NMRAL1: variants seen among roughly 807,000 people sequenced by gnomAD.
NMRAL1 encodes the protein nmrA-like family domain-containing protein 1.
In NMRAL1, 32 loss-of-function variants were observed where a neutral mutation model predicts 27.5. That is an observed-to-expected ratio of 1.16 (90% CI 0.88 to 1.56). The LOEUF is 1.56. Among genes scored for constraint, NMRAL1 ranks in the 40% most tolerant of loss-of-function variants. The probability of loss-of-function intolerance (pLI) is 0.00; values close to 1 mark genes in which losing one functional copy is unlikely to be tolerated. For synonymous variants in NMRAL1, 166 were observed against 166.8 expected (o/e 1.00, Z 0.04); for missense variants, 420 against 392.0 (o/e 1.07, Z -0.60).
chr16:4,475,764 C>T (rs1222340089), upstream of NMRAL1, among the ~76,000 whole-genome samples: 1 of 151,652 alleles, frequency 6.6e-6, no homozygotes, highest in Non-Finnish European at 1.5e-5. Context: ...ATGGTGAAAC[C>T]CCCGTCTCTA....
At chr16:4,474,803 G>C (rs2057769098), upstream of NMRAL1, 1 of 152,298 alleles carries the variant, frequency 6.6e-6, no homozygotes, top group African/African-American at 2.4e-5. Flanking sequence ...CTGGGAGGAG[G>C]AGAAAAATTA....
chr16:4,466,105 T>C, intron 4 of NMRAL1, 48 bp downstream of exon 4: 2 of 1,608,302 alleles, frequency 1.2e-6, no homozygotes, highest in Non-Finnish European at 1.7e-6. Context: ...ACCAACGGCT[T>C]TACAGGGTGA....
chr16:4,469,585 G>A (rs11862204), intron 2 of NMRAL1, 120 bp from the exon 3 acceptor site: 73,499 of 1,526,428 alleles, frequency 0.048, 4,611 homozygotes, highest in African/African-American at 0.3. Flanking sequence ...TCTCAACGAC[G>A]ATTCTCATTC....
At chr16:4,474,269 G>C in intron 1 of NMRAL1, 103 bp from the exon 2 acceptor site, 1 of 794,500 alleles carries the variant, frequency 1.3e-6, no homozygotes, top group South Asian at 1.7e-5. Context: ...GTGTCGAAGG[G>C]GGCGGCTGGG....
At chr16:4,470,595 C>T (rs1281166701) in intron 2 of NMRAL1, among the ~76,000 whole-genome samples, 4 of 151,930 alleles carry the variant, frequency 2.6e-5, no homozygotes, top group African/African-American at 7.3e-5. Context: ...AGGTGGATCA[C>T]GAGGTCAGGA....
In NMRAL1 at chr16:4,472,268, C is replaced by A. The variant is rs541246492; in HGVS notation, c.40+1825G>T. Among the ~76,000 whole-genome samples, 14 of 152,114 alleles carry A rather than the reference C, an allele frequency of 9.2e-5. No individual in the cohort carries two copies. In the East Asian group the frequency reaches 2.7e-3, roughly 29 times the overall value. ...ACCAGCCTGACCAACATGGTGAAAC[C>A]CCGTCTCTACTAAAAAATACAAAAT... On this transcript the variant is annotated intron_variant, in intron 2 of 5. Transcript: ENST00000283429.
chr16:4,474,466 A>AC (rs1234194566), intron 1 of NMRAL1, 88 bp downstream of exon 1: 1 of 304,794 alleles, frequency 3.3e-6, no homozygotes, highest in Non-Finnish European at 6.2e-6. Context: ...GGAGCCCGGG[A>AC]CCCCGATTCT....
At chr16:4,465,052 C>T (rs1240254105) in intron 4 of NMRAL1, among the ~76,000 whole-genome samples, 2 of 152,062 alleles carry the variant, frequency 1.3e-5, no homozygotes, top group African/African-American at 2.4e-5. Context: ...GGATTACAGG[C>T]GTGCACCACC....
rs2057332941 is a variant in NMRAL1, at chr16:4,466,394, C to T, written c.288G>A (p.Leu96=). ...SQEQEVKQGK[L]LADLARRLGL... Reference sequence around the variant, plus strand: ...CCAGGCGCCTGGCCAGATCAGCGAGCAGCTTCCCCTGGAGGGCAGGGAAGG... The same window carrying T: ...CCAGGCGCCTGGCCAGATCAGCGAGTAGCTTCCCCTGGAGGGCAGGGAAGG... Residue 96 remains leucine (L), a synonymous_variant, in exon 4 of 6, where the codon CTG becomes CTA. Transcript: ENST00000283429. 6.2e-7 allele frequency: 1 copy of T among 1,611,944 alleles called. No individual in the cohort carries two copies. The highest frequency in any genetic ancestry group is 8.5e-7 in the Non-Finnish European group (1 of 1,179,586).
intron 4 of NMRAL1, among the ~76,000 whole-genome samples, chr16:4,464,607 G>A (rs2057244397): frequency 6.7e-6 from 1 of 148,988 alleles, no homozygotes; most frequent in East Asian, 1.9e-4. Flanking sequence ...ATCCCTGACT[G>A]CAGGTTTTTT....
rs1482981810 is a variant in NMRAL1 at position 4,469,323 on chromosome 16, G to A, written c.183C>T (p.Asp61=). 5.0e-6 allele frequency: 8 copies of A among 1,613,968 alleles called. No homozygotes were observed. The highest frequency in any genetic ancestry group is 6.8e-6 in the Non-Finnish European group (8 of 1,179,968). ...GAEVVQGDQD[D]QVIMELALNG... is the part of the protein sequence containing the mutation. Reference sequence around the variant, plus strand: ...TCAGGGCCAGCTCCATGATGACCTGGTCATCTTGGTCTCCCTGCACTACTT... The same window carrying A: ...TCAGGGCCAGCTCCATGATGACCTGATCATCTTGGTCTCCCTGCACTACTT... Residue 61 remains aspartate (D), a synonymous_variant, in exon 3 of 6, where the codon GAC becomes GAT. Coordinates refer to ENST00000283429, the MANE Select transcript of NMRAL1 (RefSeq NM_020677.6).
intron 5 of NMRAL1, chr16:4,463,365 C>CA: frequency 2.1e-6 from 1 of 486,070 alleles, no homozygotes; most frequent in African/African-American, 2.0e-5. Context: ...CTTTTCTCTT[C>CA]AAATTCCCTC....
chr16:4,469,814 C>T, intron 2 of NMRAL1: 1 of 250,964 alleles, frequency 4.0e-6, no homozygotes, highest in Admixed American at 5.0e-5. Flanking sequence ...TTGCAGTGAG[C>T]TGAGATTGCG....
intron 5 of NMRAL1, among the ~76,000 whole-genome samples, chr16:4,462,353 G>A (rs150028968): frequency 8.5e-4 from 130 of 152,098 alleles, no homozygotes; most frequent in African/African-American, 2.9e-3. Context: ...TGGTAGGTGC[G>A]TGTAATCCCA....
At position 4,461,897 on chromosome 16, in the gene NMRAL1, G is replaced by T. The variant is rs986441759; in HGVS notation, c.783C>A (p.Phe261Leu). ...FPGARDLANMFRFYALRPDRD... is the reference protein window; with the variant it reads ...FPGARDLANMLRFYALRPDRD... ...GGTCGGGTCTCAGGGCATAGAAACG[G>T]AACATGTTGGCCAGGTCCCGGGCAC... is the stretch of plus-strand genomic sequence containing the variant. Residue 261 changes from phenylalanine to leucine, a missense_variant, in exon 6 of 6, where the codon TTC becomes TTA. Phe to Leu is a conservative substitution (Grantham distance 22). Coordinates refer to ENST00000283429, the MANE Select transcript of NMRAL1 (RefSeq NM_020677.6). 4 of 1,614,214 alleles carry T rather than the reference G, an allele frequency of 2.5e-6. No individual in the cohort carries two copies. Among genetic ancestry groups the T allele is most frequent in the Non-Finnish European group, 3.4e-6 (4 of 1,180,030 alleles).
At position 4,466,200 on chromosome 16, in the gene NMRAL1, G is replaced by C. The variant is rs1223032945; in HGVS notation, c.482C>G (p.Ser161Cys). Residue 161 changes from serine to cysteine, a missense_variant, in exon 4 of 6, where the codon TCC (serine) becomes TGC (cysteine). Coordinates refer to ENST00000283429, the MANE Select transcript of NMRAL1 (RefSeq NM_020677.6). ...RLPCYFENLL[S>C]HFLPQKAPDG... ...TGGGGCTTTCTGGGGCAAGAAGTGG[G>C]AGAGGAGGTTCTCAAAATAGCAGGG... is the stretch of plus-strand genomic sequence containing the variant. 6.2e-7 allele frequency: 1 copy of C among 1,614,192 alleles called. No homozygotes were observed. Among genetic ancestry groups the C allele is most frequent in the Non-Finnish European group, 8.5e-7 (1 of 1,180,038 alleles).
chr16:4,463,841 G>A lies in NMRAL1; in HGVS notation c.539C>T (p.Thr180Ile), dbSNP rs1169860074. Residue 180 changes from threonine to isoleucine, a missense_variant, in exon 5 of 6, where the codon ACA (threonine) becomes ATA (isoleucine). Transcript: ENST00000283429. Reference protein sequence around the residue: ...DGKSYLLSLPTGDVPMDGMSV... With the variant: ...DGKSYLLSLPIGDVPMDGMSV... Reference sequence around the variant, plus strand: ...CATGCCATCCATGGGAACGTCACCTGTGGGCAAGCCTGTGGGGCAGAGACG... The same window carrying A: ...CATGCCATCCATGGGAACGTCACCTATGGGCAAGCCTGTGGGGCAGAGACG... The A allele has an allele frequency of 6.2e-7, 1 of 1,613,278 alleles. No individual in the cohort carries two copies. Among genetic ancestry groups the A allele is most frequent in the African/African-American group, 1.3e-5 (1 of 75,036 alleles).
chr16:4,461,969 G>C lies in NMRAL1; in HGVS notation c.721-10C>G, dbSNP rs747436162. On this transcript the variant is annotated splice_polypyrimidine_tract_variant and intron_variant, in intron 5 of 5. Transcript: ENST00000283429. ...AGTCCTCAGGAGTCATCTGGAAGCA[G>C]AGGAGCCTGTCGTGGCCGGCGTCCT... is the stretch of plus-strand genomic sequence containing the variant. 4 of 1,607,280 alleles carry C rather than the reference G, an allele frequency of 2.5e-6. No homozygotes were observed. The highest frequency in any genetic ancestry group is 3.4e-6 in the Non-Finnish European group (4 of 1,176,228).
At chr16:4,474,234 C>T (rs1258845942) in intron 1 of NMRAL1, 68 bp from the exon 2 acceptor site, 2 of 1,170,688 alleles carry the variant, frequency 1.7e-6, no homozygotes, top group Admixed American at 3.9e-5. Context: ...ACAAAGGACA[C>T]CCCCATTGTC....
Sources: allele counts gnomAD v4.1 joint callset (sites outside exome capture counted in the v4.1 genomes callset), GRCh38; gene constraint gnomAD v4.1.1; transcripts MANE v1.5; gene names NCBI Gene and HGNC (gene_info 2026-07-23, HGNC 2026-07-21).